CA10: variants seen among roughly 807,000 people sequenced by gnomAD.
CA10 encodes the protein carbonic anhydrase 10 (inactive).
CA10 carries 14 observed loss-of-function variants against 44.2 expected under a neutral mutation model. The ratio of observed to expected loss-of-function variants is 0.32; its 90% CI spans 0.21 to 0.50. The LOEUF is 0.50. Ranked by LOEUF, CA10 falls within the 20% of genes least tolerant of loss-of-function variation. CA10 has a pLI of 0.99. For missense variants in CA10, 350 were observed against 409.7 expected (o/e 0.85, Z 1.26); for synonymous variants, 159 against 141.6 (o/e 1.12, Z -0.87).
chr17:51,650,893 T>A (rs1165789255), intron 5 of CA10, among the ~76,000 whole-genome samples: 2 of 152,084 alleles, frequency 1.3e-5, no homozygotes, highest in Non-Finnish European at 2.9e-5. Flanking sequence ...GTTGGCTGCG[T>A]GGGTGAGAGG....
intron 4 of CA10, among the ~76,000 whole-genome samples, chr17:51,707,711 TG>T (rs1378466577): frequency 1.8e-5 from 1 of 56,646 alleles, no homozygotes; most frequent in East Asian, 8.4e-4. Flanking sequence ...GTGTTTCTCA[TG>T]TTCCTATCCT....
chr17:51,860,105 A>G (rs1207940038), intron 3 of CA10, among the ~76,000 whole-genome samples: 1 of 152,180 alleles, frequency 6.6e-6, no homozygotes, highest in African/African-American at 2.4e-5. Flanking sequence ...CCTTACAGGC[A>G]TATCCCATTT....
chr17:52,024,758 G>T (rs1986247310), intron 2 of CA10, among the ~76,000 whole-genome samples: 1 of 151,952 alleles, frequency 6.6e-6, no homozygotes, highest in Non-Finnish European at 1.5e-5. Flanking sequence ...TTACAGGCTG[G>T]TAATGACTGT....
chr17:51,720,408 T>C (rs567741033), intron 4 of CA10, among the ~76,000 whole-genome samples: 31 of 152,286 alleles, frequency 2.0e-4, no homozygotes, highest in African/African-American at 7.5e-4. Context: ...GGACCCTAGA[T>C]AGCCTCAGGA....
chr17:52,069,310 G>C (rs1383547042), intron 2 of CA10, among the ~76,000 whole-genome samples: 1 of 152,128 alleles, frequency 6.6e-6, no homozygotes, highest in Non-Finnish European at 1.5e-5. Flanking sequence ...ACCATTGTTG[G>C]TATAAATCTC....
rs772023584 is a variant in CA10 at position 51,633,683 on chromosome 17, C to A, written c.790-33G>T. On this transcript the variant is annotated intron_variant, in intron 7 of 8. Transcript: ENST00000451037. ...GAGAGAAGTGGCCGTGAGATCCAAC[C>A]ATCCTCTTAAATGCACTAGGGAAGA... 1.9e-5 allele frequency: 30 copies of A among 1,606,072 alleles called. No homozygotes were observed. The South Asian group carries it at 3.2e-4, about 17-fold the overall frequency.
At chr17:51,644,032 G>T (rs1913215743) in intron 6 of CA10, among the ~76,000 whole-genome samples, 1 of 152,174 alleles carries the variant, frequency 6.6e-6, no homozygotes, top group South Asian at 2.1e-4. Flanking sequence ...CATGGGTGTG[G>T]TGCCTTTACC....
intron 2 of CA10, among the ~76,000 whole-genome samples, chr17:52,069,725 G>C (rs991581830): frequency 6.6e-6 from 1 of 152,174 alleles, no homozygotes; most frequent in East Asian, 1.9e-4. Context: ...TGGGGCATTT[G>C]CGTGCTGAAT....
chr17:51,775,177 C>T (rs1311598394), intron 3 of CA10, among the ~76,000 whole-genome samples: 1 of 152,192 alleles, frequency 6.6e-6, no homozygotes, highest in East Asian at 1.9e-4. Context: ...CAGTGCCATG[C>T]TATCTGCTCT....
At chr17:52,030,663 A>G (rs7219039) in intron 2 of CA10, among the ~76,000 whole-genome samples, 6,260 of 152,226 alleles carry the variant, frequency 0.041, 337 homozygotes, top group African/African-American at 0.13. Flanking sequence ...GGGTCTGAGT[A>G]AAATAGGTGG....
At chr17:51,958,598 T>C (rs1163566104) in intron 2 of CA10, among the ~76,000 whole-genome samples, 2 of 152,318 alleles carry the variant, frequency 1.3e-5, no homozygotes, top group East Asian at 1.9e-4. Context: ...TCATTATATT[T>C]TTGAAACAGT....
At chr17:51,700,775 G>T (rs79422827) in intron 4 of CA10, among the ~76,000 whole-genome samples, 1 of 152,158 alleles carries the variant, frequency 6.6e-6, no homozygotes, top group African/African-American at 2.4e-5. Flanking sequence ...GAGGGACATA[G>T]ATGGAGCTGG....
chr17:51,926,294 AT>A (rs1452418412), intron 3 of CA10, among the ~76,000 whole-genome samples: 1 of 152,162 alleles, frequency 6.6e-6, no homozygotes, highest in African/African-American at 2.4e-5. Flanking sequence ...GATTAGATTC[AT>A]TTTTATTGTT....
intron 3 of CA10, among the ~76,000 whole-genome samples, chr17:51,817,990 T>C (rs1020025690): frequency 2.0e-5 from 3 of 152,212 alleles, no homozygotes; most frequent in Admixed American, 6.5e-5. Flanking sequence ...TTCTCCATCA[T>C]TTTCACTGCT....
chr17:52,151,783 C>T (rs74524869), intron 1 of CA10, among the ~76,000 whole-genome samples: 1 of 152,058 alleles, frequency 6.6e-6, no homozygotes, highest in Non-Finnish European at 1.5e-5. Flanking sequence ...TTCTTATGTA[C>T]ATTTTCTATA....
intron 1 of CA10, among the ~76,000 whole-genome samples, chr17:52,120,720 C>A (rs1217461552): frequency 1.3e-5 from 2 of 152,142 alleles, no homozygotes; most frequent in African/African-American, 2.4e-5. Context: ...TGGGGTGGAG[C>A]CACCAGGAAT....
intron 2 of CA10, among the ~76,000 whole-genome samples, chr17:52,054,767 CCCCGATA>C (rs1198613557): frequency 6.6e-6 from 1 of 151,672 alleles, no homozygotes; most frequent in Non-Finnish European, 1.5e-5. Context: ...GGTGAATTTC[CCCCGATA>C]GATATGGAAA....
intron 4 of CA10, among the ~76,000 whole-genome samples, chr17:51,744,346 A>C (rs1358294378): frequency 6.6e-6 from 1 of 151,966 alleles, no homozygotes; most frequent in East Asian, 1.9e-4. Context: ...GATTGTATAG[A>C]ATTTCAGCAT....
At chr17:52,153,613 G>A (rs905416842) in intron 1 of CA10, among the ~76,000 whole-genome samples, 1 of 152,162 alleles carries the variant, frequency 6.6e-6, no homozygotes, top group Non-Finnish European at 1.5e-5. Flanking sequence ...AAAATTAAGA[G>A]ACTTTTCAAA....
Sources: gnomAD v4.1 joint callset for allele counts (sites outside exome capture counted in the v4.1 genomes callset) on GRCh38, gnomAD v4.1.1 for gene constraint, MANE v1.5 for transcripts, NCBI Gene and HGNC (gene_info 2026-07-23, HGNC 2026-07-21) for gene names.